MAGI2: variants seen among roughly 807,000 people sequenced by gnomAD.
MAGI2 encodes the protein membrane associated guanylate kinase, WW and PDZ domain containing 2.
MAGI2 carries 35 observed loss-of-function variants against 133.3 expected under a neutral mutation model. The ratio of observed to expected loss-of-function variants is 0.26; its 90% CI spans 0.20 to 0.35. The LOEUF is 0.35. MAGI2 is among the 10% of genes least tolerant of loss of function. MAGI2 has a pLI of 1.00. For synonymous variants in MAGI2, 729 were observed against 710.6 expected (o/e 1.03, Z -0.41); for missense variants, 1,636 against 1,863.4 (o/e 0.88, Z 2.25).
intron 14 of MAGI2, among the ~76,000 whole-genome samples, chr7:78,174,384 G>C (rs964110708): frequency 6.6e-6 from 1 of 152,188 alleles, no homozygotes; most frequent in African/African-American, 2.4e-5. Context: ...TAAGTGCAAT[G>C]GATTCTAGAT....
rs1374479103 is a variant in MAGI2, at chr7:79,231,602, G to A, written c.301+221418C>T. Among the ~76,000 whole-genome samples the A allele has an allele frequency of 2.6e-4, 26 of 101,356 alleles. No individual in the cohort carries two copies. The South Asian group carries it at 7.8e-3, about 31-fold the overall frequency. The allele number at this position is 101,356 out of a possible 152,430, so 66.5% of individuals were successfully genotyped here. A position where few individuals can be genotyped will look rare whatever the true frequency, so the allele number is the denominator to read the frequency against. ...TGATTTGGCTCTCTGTTTGTCTGTT[G>A]TCGGTGTATAAGAATGCTTGTGATT... On this transcript the variant is annotated intron_variant, in intron 1 of 21. Coordinates refer to ENST00000354212, the MANE Select transcript of MAGI2 (RefSeq NM_012301.4).
At chr7:79,012,631 G>C (rs1808278391) in intron 1 of MAGI2, among the ~76,000 whole-genome samples, 1 of 152,078 alleles carries the variant, frequency 6.6e-6, no homozygotes, top group African/African-American at 2.4e-5. Context: ...GTAGTAGAAA[G>C]AACACTAGGT....
intron 1 of MAGI2, among the ~76,000 whole-genome samples, chr7:79,368,388 G>A (rs748372523): frequency 6.6e-6 from 1 of 152,092 alleles, no homozygotes; most frequent in African/African-American, 2.4e-5. Flanking sequence ...CACATTTGCA[G>A]CATAGTTTTG....
In MAGI2 at chr7:78,556,111, G is replaced by GTA. The variant is rs991194828; in HGVS notation, c.539-34468_539-34467dup. On this transcript the variant is annotated intron_variant, in intron 3 of 21. Coordinates refer to ENST00000354212, the MANE Select transcript of MAGI2 (RefSeq NM_012301.4). ...TTACCAGTTTATATTTTTCCAAAAA[G>GTA]TATATATATATATGATAGCTTATAT... is the stretch of plus-strand genomic sequence containing the variant. 2.9e-4 allele frequency among the ~76,000 whole-genome samples: 44 copies of GTA among 151,636 alleles called. 1 individual carries two copies. The highest frequency in any genetic ancestry group is 2.0e-3 in the Admixed American group (30 of 15,218).
At chr7:78,732,230 A>T (rs945474365) in intron 2 of MAGI2, among the ~76,000 whole-genome samples, 1 of 152,154 alleles carries the variant, frequency 6.6e-6, no homozygotes, top group Non-Finnish European at 1.5e-5. Flanking sequence ...TCTCCCAAGA[A>T]TTCAGCTTGC....
chr7:78,097,381 C>A (rs1323039491), intron 20 of MAGI2, among the ~76,000 whole-genome samples: 4 of 152,144 alleles, frequency 2.6e-5, no homozygotes, highest in African/African-American at 7.2e-5. Context: ...CATCGTAGCA[C>A]TATTTACAAT....
At chr7:78,849,349 C>T (rs1206922486) in intron 2 of MAGI2, among the ~76,000 whole-genome samples, 1 of 151,912 alleles carries the variant, frequency 6.6e-6, no homozygotes, top group African/African-American at 2.4e-5. Flanking sequence ...CAAAGCAAAG[C>T]CAACCAACCA....
At chr7:79,426,645 T>C (rs1847390876) in intron 1 of MAGI2, among the ~76,000 whole-genome samples, 1 of 152,168 alleles carries the variant, frequency 6.6e-6, no homozygotes, top group South Asian at 2.1e-4. Context: ...TTATATCCTA[T>C]CTCTACAAAT....
At chr7:79,370,856 T>C (rs1205491631) in intron 1 of MAGI2, among the ~76,000 whole-genome samples, 1 of 152,040 alleles carries the variant, frequency 6.6e-6, no homozygotes, top group African/African-American at 2.4e-5. Context: ...AAAATATTCC[T>C]CTTTCACTTC....
chr7:79,120,183 C>T (rs1448232624), intron 1 of MAGI2, among the ~76,000 whole-genome samples: 1 of 151,968 alleles, frequency 6.6e-6, no homozygotes, highest in Non-Finnish European at 1.5e-5. Context: ...GCCTTTTTAT[C>T]TTCATTTACA....
chr7:78,240,218 G>A (rs1180676814), intron 10 of MAGI2, among the ~76,000 whole-genome samples: 2 of 152,180 alleles, frequency 1.3e-5, no homozygotes, highest in African/African-American at 4.8e-5. Context: ...CCACCTATGA[G>A]TGAGAACATG....
chr7:79,085,290 T>C (rs1436484427), intron 1 of MAGI2, among the ~76,000 whole-genome samples: 1 of 151,860 alleles, frequency 6.6e-6, no homozygotes, highest in Non-Finnish European at 1.5e-5. Flanking sequence ...ATTATGGTTA[T>C]TGTATTTTTG....
intron 1 of MAGI2, among the ~76,000 whole-genome samples, chr7:79,223,384 T>C (rs374039622): frequency 1.1e-4 from 16 of 152,202 alleles, no homozygotes; most frequent in African/African-American, 3.4e-4. Context: ...CACTTCATTA[T>C]GCATGTCTAG....
intron 1 of MAGI2, among the ~76,000 whole-genome samples, chr7:79,329,752 G>T (rs548065534): frequency 3.3e-5 from 5 of 152,130 alleles, no homozygotes; most frequent in East Asian, 1.9e-4. Context: ...CTCATATCAC[G>T]TTATTGTGGA....
At chr7:78,318,255 T>A (rs926421042) in intron 9 of MAGI2, among the ~76,000 whole-genome samples, 3 of 152,190 alleles carry the variant, frequency 2.0e-5, no homozygotes, top group Non-Finnish European at 2.9e-5. Flanking sequence ...CTAACTAGAA[T>A]AACCAGTTTA....
chr7:79,321,455 A>G (rs1015931008), intron 1 of MAGI2, among the ~76,000 whole-genome samples: 1 of 63,678 alleles, frequency 1.6e-5, no homozygotes, highest in Admixed American at 1.6e-4. Context: ...GATTCCCTCA[A>G]GTAGATCCAA....
At chr7:79,401,437 A>G (rs1240608080) in intron 1 of MAGI2, among the ~76,000 whole-genome samples, 1 of 152,212 alleles carries the variant, frequency 6.6e-6, no homozygotes, top group Non-Finnish European at 1.5e-5. Flanking sequence ...GTGGCAAAGA[A>G]TGTGGGCTTG....
At chr7:78,315,113 G>C (rs942053871) in intron 9 of MAGI2, among the ~76,000 whole-genome samples, 4 of 152,172 alleles carry the variant, frequency 2.6e-5, no homozygotes, top group Non-Finnish European at 4.4e-5. Context: ...CAATAGGTCT[G>C]TAAGGAAGAA....
At chr7:78,489,574 GA>G (rs1437499960) in intron 6 of MAGI2, among the ~76,000 whole-genome samples, 186 bp downstream of exon 6, 1 of 152,060 alleles carries the variant, frequency 6.6e-6, no homozygotes, top group African/African-American at 2.4e-5. Context: ...TCCTCAGAGA[GA>G]AAAAGCAAAA....
Sources: allele counts gnomAD v4.1 joint callset (sites outside exome capture counted in the v4.1 genomes callset), GRCh38; gene constraint gnomAD v4.1.1; transcripts MANE v1.5; gene names NCBI Gene and HGNC (gene_info 2026-07-23, HGNC 2026-07-21).